TPTE: variants seen among roughly 807,000 people sequenced by gnomAD.
The protein encoded by TPTE is transmembrane phosphatase with tensin homology, also known as putative tyrosine-protein phosphatase TPTE.
Under a neutral mutation model 84.1 loss-of-function variants are expected in TPTE, and 59 were observed. The ratio of observed to expected loss-of-function variants is 0.70; its 90% CI spans 0.57 to 0.87. The LOEUF (loss-of-function observed/expected upper bound fraction) is 0.87. TPTE is among the 40% of genes least tolerant of loss of function. The pLI, the probability that TPTE is intolerant of heterozygous loss-of-function variation, is 0.00. For synonymous variants in TPTE, 130 were observed against 223.5 expected (o/e 0.58, Z 3.73); for missense variants, 382 against 659.6 (o/e 0.58, Z 4.61).
Position 10,542,432 on chromosome 21 carries a change from G to C in TPTE, c.103G>C (p.Ala35Pro). 1 of 1,611,426 alleles carries C rather than the reference G, an allele frequency of 6.2e-7. No homozygotes were observed. The highest frequency in any genetic ancestry group is 1.3e-5 in the African/African-American group (1 of 75,006). The change falls in exon 6 of 24, where the codon GCA becomes CCA. Residue 35 changes from alanine (A) to proline (P), a missense_variant. Around this residue, in one of 10 missense-constraint regions of TPTE, gnomAD observed 63 missense variants for 49.5 expected, o/e 1.27. Coordinates refer to ENST00000618007, the MANE Select transcript of TPTE (RefSeq NM_199261.4). ...TSEFKGATEE[A>P]PAKESPHTSE... ...TGAATTTAAAGGAGCAACCGAGGAG[G>C]CACCTGCGAAAGAAAGGTGAGCAAT...
At chr21:10,572,824 T>C (rs866046353) in intron 14 of TPTE, among the ~76,000 whole-genome samples, 312 of 151,746 alleles carry the variant, frequency 2.1e-3, no homozygotes, top group African/African-American at 7.3e-3. Flanking sequence ...AACTCACCTG[T>C]AGTGCAGATA....
At chr21:10,564,774 G>C (rs1277595008) in intron 10 of TPTE, among the ~76,000 whole-genome samples, 1 of 152,278 alleles carries the variant, frequency 6.6e-6, no homozygotes, top group African/African-American at 2.4e-5. Flanking sequence ...AGTTGATGCT[G>C]AAAAAGCATT....
At chr21:10,551,493 A>T (rs1431137352) in intron 7 of TPTE, among the ~76,000 whole-genome samples, 1 of 152,308 alleles carries the variant, frequency 6.6e-6, no homozygotes, top group Non-Finnish European at 1.5e-5. Context: ...AAAACTTTCA[A>T]ATAAACCACT....
intron 10 of TPTE, among the ~76,000 whole-genome samples, chr21:10,564,592 A>G (rs1025977993): frequency 2.0e-5 from 3 of 152,304 alleles, no homozygotes; most frequent in Non-Finnish European, 4.4e-5. Context: ...TATTGATGCA[A>G]AAATCCTCAA....
intron 6 of TPTE, among the ~76,000 whole-genome samples, chr21:10,543,122 CG>C (rs1417539239): frequency 1.5e-5 from 2 of 137,530 alleles, no homozygotes; most frequent in Non-Finnish European, 3.0e-5. Flanking sequence ...CTCTGCTTCC[CG>C]GGTTCACGCC....
intron 7 of TPTE, among the ~76,000 whole-genome samples, chr21:10,543,673 A>T (rs1214852002): frequency 6.6e-6 from 1 of 152,292 alleles, no homozygotes; most frequent in African/African-American, 2.4e-5. Flanking sequence ...TTTTTGATGG[A>T]GTTGTATAAG....
chr21:10,581,392 T>G (rs2075268711), intron 17 of TPTE, among the ~76,000 whole-genome samples: 1 of 152,310 alleles, frequency 6.6e-6, no homozygotes, highest in Non-Finnish European at 1.5e-5. Flanking sequence ...ATTTCAAATC[T>G]GACTTTTTTT....
At chr21:10,537,924 A>T (rs2074297485) in intron 3 of TPTE, among the ~76,000 whole-genome samples, 1 of 152,306 alleles carries the variant, frequency 6.6e-6, no homozygotes, top group African/African-American at 2.4e-5. Flanking sequence ...ACTATAGGAT[A>T]TGAAGGTGAC....
rs546160117 is a variant in TPTE at position 10,552,825 on chromosome 21, T to G, written c.233+109T>G. The G allele has an allele frequency of 3.6e-5, 57 of 1,581,666 alleles. No homozygotes were observed. In the African/African-American group the frequency reaches 7.5e-4, roughly 21 times the overall value. ...AGGAAAAAGGGAAACTATGGAAAGA[T>G]ATCAAAATGTATGGGTGGGAGTGTA... On this transcript the variant is annotated intron_variant, in intron 8 of 23. Coordinates refer to ENST00000618007, the MANE Select transcript of TPTE (RefSeq NM_199261.4).
chr21:10,567,107 TAAA>T (rs574386155), intron 10 of TPTE, among the ~76,000 whole-genome samples: 225 of 124,244 alleles, frequency 1.8e-3, no homozygotes, highest in African/African-American at 5.3e-3. Flanking sequence ...TATGGGGCTC[TAAA>T]AAAAAAAAAA....
intron 20 of TPTE, among the ~76,000 whole-genome samples, chr21:10,596,867 A>G (rs1175778204): frequency 6.6e-6 from 1 of 152,310 alleles, no homozygotes; most frequent in Non-Finnish European, 1.5e-5. Flanking sequence ...GTAGACATCA[A>G]TAGAAAGAAG....
chr21:10,572,853 AG>A (rs1281312625), intron 14 of TPTE, among the ~76,000 whole-genome samples: 1 of 152,306 alleles, frequency 6.6e-6, no homozygotes, highest in African/African-American at 2.4e-5. Context: ...AGAAAGAGAA[AG>A]GAATCAAACT....
At chr21:10,564,038 C>T (rs1475712240) in intron 10 of TPTE, among the ~76,000 whole-genome samples, 2 of 152,306 alleles carry the variant, frequency 1.3e-5, no homozygotes, top group African/African-American at 2.4e-5. Flanking sequence ...CCCGTAGTCC[C>T]AGCTACTCAG....
chr21:10,573,719 T>C (rs1600931157), intron 14 of TPTE, among the ~76,000 whole-genome samples: 2 of 152,420 alleles, frequency 1.3e-5, no homozygotes, highest in South Asian at 2.1e-4. Context: ...ATTAAAAATA[T>C]TTTTAAAGAA....
chr21:10,598,662 G>A (rs866524995), intron 21 of TPTE, among the ~76,000 whole-genome samples: 1,345 of 150,006 alleles, frequency 9.0e-3, no homozygotes, highest in African/African-American at 0.033. Flanking sequence ...TGAATGAACG[G>A]GGGAGGAACC....
At chr21:10,559,391 T>G in intron 8 of TPTE, 103 bp from the exon 9 acceptor site, 1 of 1,522,516 alleles carries the variant, frequency 6.6e-7, no homozygotes, top group Non-Finnish European at 8.8e-7. Context: ...TTCTGAATAA[T>G]TTTCTTTTGA....
intron 3 of TPTE, among the ~76,000 whole-genome samples, chr21:10,536,105 C>T (rs532658595): frequency 6.6e-6 from 1 of 152,426 alleles, no homozygotes; most frequent in African/African-American, 2.4e-5. Flanking sequence ...TGGCAAAACC[C>T]TGTCTCTACT....
rs561696202 is a variant in TPTE, at chr21:10,538,815, A to G, written c.11+81A>G. ...ATTCACAGACACAGGCACATAAACA[A>G]ATATATCCATCCATCCATCCATGCA... On this transcript the variant is annotated intron_variant, in intron 4 of 23. Transcript: ENST00000618007. 1.4e-5 allele frequency: 22 copies of G among 1,613,662 alleles called. No individual in the cohort carries two copies. In the South Asian group the frequency reaches 2.3e-4, roughly 17 times the overall value.
intron 1 of TPTE, among the ~76,000 whole-genome samples, chr21:10,522,930 A>C (rs2074009432): frequency 6.6e-6 from 1 of 152,252 alleles, no homozygotes; most frequent in Admixed American, 6.5e-5. Flanking sequence ...ATGTTCATCT[A>C]TTTGTTTTCT....
Sources: allele counts gnomAD v4.1 joint callset (sites outside exome capture counted in the v4.1 genomes callset), GRCh38; gene constraint gnomAD v4.1.1; regional missense constraint gnomAD v4.1.1; transcripts MANE v1.5; gene names NCBI Gene and HGNC (gene_info 2026-07-23, HGNC 2026-07-21).